Variants in TRPM3 observed in about 807,000 individuals in gnomAD.
TRPM3 encodes long transient receptor potential channel 3.
A neutral mutation model predicts 181.2 loss-of-function variants in TRPM3; 77 were observed. The observed-to-expected ratio is 0.42, with a 90% CI of 0.35 to 0.51. The LOEUF (loss-of-function observed/expected upper bound fraction) is 0.51. TRPM3 is among the 20% of genes least tolerant of loss of function. The probability of loss-of-function intolerance (pLI) is 0.01; values close to 1 mark genes in which losing one functional copy is unlikely to be tolerated. For synonymous variants in TRPM3, 745 were observed against 796.4 expected (o/e 0.94, Z 1.09); for missense variants, 1,759 against 2,196.7 (o/e 0.80, Z 3.98).
intron 1 of TRPM3, among the ~76,000 whole-genome samples, chr9:71,278,671 G>T (rs748362879): frequency 1.4e-4 from 21 of 151,966 alleles, no homozygotes; most frequent in Non-Finnish European, 2.1e-4. Context: ...CCTTGCTGGG[G>T]TTTTTTGTCA....
At chr9:70,936,575 T>C (rs1436030852) in intron 1 of TRPM3, among the ~76,000 whole-genome samples, 1 of 152,174 alleles carries the variant, frequency 6.6e-6, no homozygotes, top group African/African-American at 2.4e-5. Flanking sequence ...GAATTGATAA[T>C]GGTTTGATCA....
At chr9:70,787,763 C>CTTTTTTTTTTTTTTTTTTTTTGAT (rs2084071076) in intron 6 of TRPM3, among the ~76,000 whole-genome samples, 1 of 68,558 alleles carries the variant, frequency 1.5e-5, no homozygotes, top group African/African-American at 5.8e-5. Context: ...TTTTTGGATT[C>CTTTTTTTTTTTTTTTTTTTTTGAT]TTTTTTTTTT....
At chr9:71,176,206 CA>C (rs1337488293) in intron 1 of TRPM3, among the ~76,000 whole-genome samples, 1 of 151,982 alleles carries the variant, frequency 6.6e-6, no homozygotes, top group African/African-American at 2.4e-5. Flanking sequence ...AGGAGGTACC[CA>C]GAAGAAGGCA....
intron 7 of TRPM3, among the ~76,000 whole-genome samples, chr9:70,766,337 A>T (rs1588052482): frequency 6.6e-6 from 1 of 152,284 alleles, no homozygotes; most frequent in East Asian, 1.9e-4. Flanking sequence ...CTGCAATATT[A>T]GAGTTTTGTT....
chr9:71,412,654 T>C (rs561450617), intron 1 of TRPM3, among the ~76,000 whole-genome samples: 23 of 152,302 alleles, frequency 1.5e-4, no homozygotes, highest in Admixed American at 5.2e-4. Flanking sequence ...TTTGTGGAGA[T>C]GTAAACTAGT....
chr9:70,572,273 G>C (rs771186707), intron 22 of TRPM3, among the ~76,000 whole-genome samples: 2 of 152,136 alleles, frequency 1.3e-5, no homozygotes, highest in Admixed American at 1.3e-4. Flanking sequence ...TTGTAGAAAG[G>C]TTGCAGAGTT....
At chr9:70,581,652 C>A (rs2055710866) in intron 22 of TRPM3, among the ~76,000 whole-genome samples, 1 of 152,216 alleles carries the variant, frequency 6.6e-6, no homozygotes, top group Non-Finnish European at 1.5e-5. Context: ...GTACTCTGCT[C>A]TGCTTTGAGT....
At chr9:70,748,338 G>T (rs549592286) in intron 8 of TRPM3, among the ~76,000 whole-genome samples, 1 of 152,200 alleles carries the variant, frequency 6.6e-6, no homozygotes, top group South Asian at 2.1e-4. Flanking sequence ...AGCTGCCAGG[G>T]TACAACAGTG....
intron 1 of TRPM3, among the ~76,000 whole-genome samples, chr9:71,289,853 G>A (rs145677348): frequency 1.7e-4 from 21 of 122,736 alleles, no homozygotes; most frequent in African/African-American, 5.4e-4. Flanking sequence ...TCCAGCCTGG[G>A]TGACAGAGCA....
chr9:70,672,600 C>G (rs2134097061), intron 9 of TRPM3, among the ~76,000 whole-genome samples: 1 of 152,290 alleles, frequency 6.6e-6, no homozygotes, highest in African/African-American at 2.4e-5. Context: ...TCCACTGATG[C>G]TCTAACAATT....
chr9:70,556,798 A>G (rs2047826168), intron 22 of TRPM3, among the ~76,000 whole-genome samples: 1 of 152,178 alleles, frequency 6.6e-6, no homozygotes, highest in Admixed American at 6.5e-5. Context: ...CATAAACTTT[A>G]GCTTCTTCAT....
chr9:70,783,922 C>A, intron 7 of TRPM3, 183 bp downstream of exon 7: 3 of 1,344,262 alleles, frequency 2.2e-6, no homozygotes. Flanking sequence ...CTTCACAGGA[C>A]ATTTAGAATA....
intron 22 of TRPM3, among the ~76,000 whole-genome samples, chr9:70,584,567 C>T (rs4744604): frequency 0.44 from 66,649 of 151,954 alleles, 16,799 homozygotes; most frequent in East Asian, 0.55. Context: ...CATAGCTACC[C>T]CTGGACCTTA....
intron 22 of TRPM3, among the ~76,000 whole-genome samples, chr9:70,585,076 C>T (rs185325850): frequency 1.3e-5 from 2 of 152,254 alleles, no homozygotes; most frequent in Admixed American, 1.3e-4. Flanking sequence ...CTTTCTCTGC[C>T]CCTCCTGCCC....
intron 25 of TRPM3, among the ~76,000 whole-genome samples, chr9:70,541,537 G>A (rs1312617903): frequency 7.6e-6 from 1 of 131,122 alleles, no homozygotes; most frequent in African/African-American, 2.9e-5. Flanking sequence ...TTGAGATGGA[G>A]TTTCACTCTT....
chr9:70,682,926 T>C (rs1434860372), intron 8 of TRPM3, among the ~76,000 whole-genome samples: 1 of 152,204 alleles, frequency 6.6e-6, no homozygotes, highest in Non-Finnish European at 1.5e-5. Context: ...TTTATCACTA[T>C]GGTAGTGAGA....
intron 1 of TRPM3, among the ~76,000 whole-genome samples, chr9:70,979,961 C>T (rs553027303): frequency 2.0e-5 from 3 of 151,844 alleles, no homozygotes; most frequent in African/African-American, 7.3e-5. Flanking sequence ...TTAATGATCT[C>T]GTAAAGACCC....
chr9:71,062,059 A>C (rs1004992849), intron 1 of TRPM3, among the ~76,000 whole-genome samples: 3 of 152,118 alleles, frequency 2.0e-5, no homozygotes, highest in African/African-American at 7.2e-5. Context: ...TAGCCTCTGC[A>C]GTTGCTATAC....
rs571656885 is a variant in TRPM3, at chr9:70,688,636, A to G, written c.1273-7058T>C. ...CCCAATCCCACGTACCTGATGCCCT[A>G]GCTGGGCTGAGCATCTTGCTCCTCT... On this transcript the variant is annotated intron_variant, in intron 8 of 25. Transcript: ENST00000677713. 2.0e-5 allele frequency among the ~76,000 whole-genome samples: 3 copies of G among 152,304 alleles called. No homozygotes were observed. The East Asian group carries it at 5.8e-4, about 29-fold the overall frequency.
Sources: allele counts gnomAD v4.1 joint callset (sites outside exome capture counted in the v4.1 genomes callset), GRCh38; gene constraint gnomAD v4.1.1; transcripts MANE v1.5; gene names NCBI Gene and HGNC (gene_info 2026-07-23, HGNC 2026-07-21).